Variants in FABP12 observed in about 807,000 individuals in gnomAD.
The protein encoded by FABP12 is fatty acid binding protein 12.
In FABP12, 19 loss-of-function variants were observed where a neutral mutation model predicts 13.7. The ratio of observed to expected loss-of-function variants is 1.39; its 90% CI spans 0.97 to 2.04. The LOEUF is 2.04. FABP12 is among the 30% of genes most tolerant of loss of function. The probability of loss-of-function intolerance (pLI) is 0.00; values close to 1 mark genes in which losing one functional copy is unlikely to be tolerated. For missense variants in FABP12, 182 were observed against 164.2 expected (o/e 1.11, Z -0.59); for synonymous variants, 61 against 57.0 (o/e 1.07, Z -0.32).
chr8:81,533,694 C>G (rs1809147967), intron 1 of FABP12, among the ~76,000 whole-genome samples, 108 bp downstream of exon 1: 1 of 152,198 alleles, frequency 6.6e-6, no homozygotes, highest in African/African-American at 2.4e-5. Flanking sequence ...CCTCCTTTAG[C>G]TGGTCACGTG....
rs34960860 is a variant in FABP12 at position 81,582,118 on chromosome 8, A to ATTTTTTTTTTTTTTTTTTTTT, written c.-185+7914_-185+7934dup. 3.1e-5 allele frequency among the ~76,000 whole-genome samples: 3 copies of ATTTTTTTTTTTTTTTTTTTTT among 96,788 alleles called. 1 individual carries two copies. Among genetic ancestry groups the ATTTTTTTTTTTTTTTTTTTTT allele is most frequent in the African/African-American group, 7.6e-5 (2 of 26,462 alleles). The allele number at this position is 96,788 out of a possible 152,430, so 63.5% of individuals were successfully genotyped here. On this transcript the variant is annotated intron_variant, in intron 1 of 5. Coordinates refer to the FABP12 transcript ENST00000692030. Reference sequence around the variant, plus strand: ...AAAAGAAATACATTGGCTAACTGGAATTTTTTTTTTTTTTTTTTTTTTGAG... The same window carrying ATTTTTTTTTTTTTTTTTTTTT: ...AAAAGAAATACATTGGCTAACTGGAATTTTTTTTTTTTTTTTTTTTTTTTTTTTTTTTTTTTTTTTTTTGAG...
At chr8:81,583,037 G>C (rs1453000042) in intron 1 of FABP12, among the ~76,000 whole-genome samples, 1 of 152,000 alleles carries the variant, frequency 6.6e-6, no homozygotes, top group Non-Finnish European at 1.5e-5. Flanking sequence ...AACTAGAAAT[G>C]CATAAAAAGA....
rs1401797236 is a variant in FABP12 at position 81,566,819 on chromosome 8, CG to C, written c.-185+23233del. ...GGAAGTCCTAGCTAGAGCAATCAGA[CG>C]GGAGAAAGAAATAAAGGCATACAAA... On this transcript the variant is annotated intron_variant, in intron 1 of 5. Coordinates refer to the FABP12 transcript ENST00000692030. Among the ~76,000 whole-genome samples, 4 of 151,950 alleles carry C rather than the reference CG, an allele frequency of 2.6e-5. No homozygotes were observed. The East Asian group carries it at 7.7e-4, about 29-fold the overall frequency.
At chr8:81,527,917 C>T (rs1808950466) in intron 3 of FABP12, among the ~76,000 whole-genome samples, 2 of 151,848 alleles carry the variant, frequency 1.3e-5, no homozygotes, top group African/African-American at 2.4e-5. Context: ...CAAGATTGTA[C>T]CACCGCACTC....
intron 1 of FABP12, among the ~76,000 whole-genome samples, chr8:81,586,238 G>C (rs116150164): frequency 0.019 from 2,915 of 151,484 alleles, 65 homozygotes; most frequent in African/African-American, 0.057. Context: ...TTATTCATCC[G>C]ACTGTTGATG....
At chr8:81,540,112 C>CAGTA (rs758252453) in intron 1 of FABP12, among the ~76,000 whole-genome samples, 4 of 152,190 alleles carry the variant, frequency 2.6e-5, no homozygotes, top group Non-Finnish European at 5.9e-5. Context: ...TGTTCTAGAC[C>CAGTA]AGTAGTTCTC....
At chr8:81,585,235 T>C (rs1305100638) in intron 1 of FABP12, among the ~76,000 whole-genome samples, 1 of 152,206 alleles carries the variant, frequency 6.6e-6, no homozygotes, top group Non-Finnish European at 1.5e-5. Flanking sequence ...AAGTCTGTAA[T>C]TCATTGTGAT....
rs10554665 is a variant in FABP12 at position 81,531,943 on chromosome 8, GCACA to G, written c.-75-557_-75-554del. Among the ~76,000 whole-genome samples, 1,012 of 147,812 alleles carry G rather than the reference GCACA, an allele frequency of 6.8e-3. 14 individuals are homozygous for G. Among genetic ancestry groups the G allele is most frequent in the African/African-American group, 0.021 (860 of 40,766 alleles). On this transcript the variant is annotated intron_variant, in intron 1 of 4. Transcript: ENST00000360464. ...GAAAGAGATCATGTTACAAACACAT[GCACA>G]CACACACACACACACACACACAGCC...
At chr8:81,573,884 A>G (rs1400203186) in intron 1 of FABP12, among the ~76,000 whole-genome samples, 1 of 152,126 alleles carries the variant, frequency 6.6e-6, no homozygotes, top group African/African-American at 2.4e-5. Flanking sequence ...AAGGTAAACA[A>G]TCATATCGTC....
chr8:81,552,011 A>C (rs150478460), intron 1 of FABP12, among the ~76,000 whole-genome samples: 1 of 152,254 alleles, frequency 6.6e-6, no homozygotes, highest in Non-Finnish European at 1.5e-5. Flanking sequence ...TACAATGCTT[A>C]TCATCTAATT....
chr8:81,579,942 A>G (rs1477150246), intron 1 of FABP12, among the ~76,000 whole-genome samples: 1 of 152,228 alleles, frequency 6.6e-6, no homozygotes, highest in African/African-American at 2.4e-5. Context: ...ATTTTTACAA[A>G]GGAAAATTGA....
chr8:81,529,537 G>A, exon 3 of FABP12: 1 of 1,613,850 alleles, frequency 6.2e-7, no homozygotes, highest in Non-Finnish European at 8.5e-7. Flanking sequence ...TTATTGTGAT[G>A]ACATCTCCAT....
chr8:81,581,082 GA>G (rs1810149619), intron 1 of FABP12, among the ~76,000 whole-genome samples: 1 of 152,140 alleles, frequency 6.6e-6, no homozygotes, highest in Non-Finnish European at 1.5e-5. Context: ...AAGGGCAAGA[GA>G]AAATCAACAG....
At position 81,529,286 on chromosome 8, in the gene FABP12, G is replaced by A. The variant is rs983189215; in HGVS notation, c.246+152C>T. The A allele has an allele frequency of 1.5e-5, 11 of 726,902 alleles. No homozygotes were observed. In the African/African-American group the frequency reaches 2.9e-4, roughly 19 times the overall value. 45.0% of individuals were successfully genotyped at this position (726,902 alleles called of 1,614,324 possible). A position where few individuals can be genotyped will look rare whatever the true frequency, so the allele number is the denominator to read the frequency against. On this transcript the variant is annotated intron_variant, in intron 3 of 4. Transcript: ENST00000360464. ...TTTTCACAAGCATCCCAGAAGATTTGTATCTTCACATTGACATCCTTAGAC... is the reference window on the plus strand; with the variant it reads ...TTTTCACAAGCATCCCAGAAGATTTATATCTTCACATTGACATCCTTAGAC...
intron 1 of FABP12, among the ~76,000 whole-genome samples, chr8:81,576,468 C>T (rs868006785): frequency 6.6e-6 from 1 of 151,852 alleles, no homozygotes; most frequent in Non-Finnish European, 1.5e-5. Context: ...GAGTATGTTT[C>T]CAGAGGTGTT....
At chr8:81,534,027 T>A (rs1809157108), upstream of FABP12, among the ~76,000 whole-genome samples, 1 of 152,150 alleles carries the variant, frequency 6.6e-6, no homozygotes, top group Admixed American at 6.5e-5. Flanking sequence ...GGTGTATAAG[T>A]CTCTGTTACA....
Position 81,575,130 on chromosome 8 carries a change from C to A in FABP12, c.-185+14923G>T, listed in dbSNP as rs561993520. 4.6e-5 allele frequency among the ~76,000 whole-genome samples: 7 copies of A among 152,034 alleles called. No individual in the cohort carries two copies. The East Asian group carries it at 1.2e-3, about 25-fold the overall frequency. On this transcript the variant is annotated intron_variant, in intron 1 of 5. Transcript: ENST00000692030. ...ATCTTAGCACTGCCTTTGCTATATC[C>A]CAGAGGTTTTGATAGGTTGTGTCAT...
chr8:81,567,860 G>A (rs1313805348), intron 1 of FABP12, among the ~76,000 whole-genome samples: 2 of 151,330 alleles, frequency 1.3e-5, no homozygotes, highest in African/African-American at 2.4e-5. Flanking sequence ...GGTGGCTCAC[G>A]CCTGTAATCC....
chr8:81,550,994 A>G (rs1809514772), intron 1 of FABP12, among the ~76,000 whole-genome samples: 1 of 152,212 alleles, frequency 6.6e-6, no homozygotes, highest in Admixed American at 6.5e-5. Flanking sequence ...GTGGGTAAAT[A>G]GTATCTGAGT....
Sources: allele counts gnomAD v4.1 joint callset (sites outside exome capture counted in the v4.1 genomes callset), GRCh38; gene constraint gnomAD v4.1.1; transcripts MANE v1.5; gene names NCBI Gene and HGNC (gene_info 2026-07-23, HGNC 2026-07-21).